Variants in DMC1 observed in about 807,000 individuals in gnomAD.
DMC1 encodes the protein DNA meiotic recombinase 1.
A neutral mutation model predicts 50.1 loss-of-function variants in DMC1; 27 were observed. The observed-to-expected ratio is 0.54, with a 90% CI of 0.40 to 0.74. The LOEUF is 0.74. Ranked by LOEUF, DMC1 falls within the 30% of genes least tolerant of loss-of-function variation. The pLI, the probability that DMC1 is intolerant of heterozygous loss-of-function variation, is 0.00. For missense variants in DMC1, 295 were observed against 420.2 expected, an observed-to-expected ratio of 0.70 and a Z score of 2.60; for synonymous variants, 148 against 136.1, an observed-to-expected ratio of 1.09 and a Z score of -0.61.
intron 12 of DMC1, among the ~76,000 whole-genome samples, chr22:38,523,456 C>T (rs1161905834): frequency 6.6e-6 from 1 of 152,192 alleles, no homozygotes; most frequent in East Asian, 1.9e-4. Flanking sequence ...GCTATGAACT[C>T]CGAGCCTGCA....
intron 12 of DMC1, among the ~76,000 whole-genome samples, chr22:38,526,878 C>T (rs556214207): frequency 5.3e-4 from 80 of 152,256 alleles, no homozygotes; most frequent in African/African-American, 1.8e-3. Context: ...TATCAATAAA[C>T]TGGCCGTCTG....
At chr22:38,534,224 G>A (rs1173896841) in intron 12 of DMC1, among the ~76,000 whole-genome samples, 2 of 152,156 alleles carry the variant, frequency 1.3e-5, no homozygotes, top group East Asian at 1.9e-4. Flanking sequence ...GAATACAACT[G>A]TATATTAGAT....
chr22:38,521,538 TACAC>T (rs111317680), intron 13 of DMC1, 66 bp downstream of exon 13: 69,037 of 635,770 alleles, frequency 0.11, 706 homozygotes, highest in East Asian at 0.15. Context: ...ACCCCGTCTC[TACAC>T]ACACACACAC....
intron 12 of DMC1, among the ~76,000 whole-genome samples, chr22:38,536,031 G>A (rs1215864806): frequency 6.9e-6 from 1 of 144,774 alleles, no homozygotes; most frequent in Non-Finnish European, 1.5e-5. Context: ...GACCAGCCTG[G>A]CCAACATGGC....
intron 8 of DMC1, among the ~76,000 whole-genome samples, chr22:38,543,481 G>A (rs1225019252): frequency 6.6e-6 from 1 of 151,948 alleles, no homozygotes; most frequent in Non-Finnish European, 1.5e-5. Context: ...CACCCACCTC[G>A]GCCTCCCAAA....
intron 4 of DMC1, among the ~76,000 whole-genome samples, chr22:38,563,047 G>A (rs1314619604): frequency 2.0e-5 from 3 of 152,166 alleles, no homozygotes; most frequent in African/African-American, 7.2e-5. Flanking sequence ...GGGATTACAG[G>A]CGTGAGCCAC....
intron 8 of DMC1, chr22:38,549,635 TC>T (rs2090382038): frequency 3.9e-6 from 1 of 257,206 alleles, no homozygotes; most frequent in African/African-American, 2.3e-5. Context: ...AAAAAAAAAA[TC>T]TTTTTTCTAA....
chr22:38,518,029 G>A (rs753247806), downstream of DMC1, among the ~76,000 whole-genome samples: 1 of 151,212 alleles, frequency 6.6e-6, no homozygotes, highest in East Asian at 1.9e-4. Flanking sequence ...CTGGAGTGCA[G>A]TGGCATGATC....
At chr22:38,517,052 C>G (rs187948517), downstream of DMC1, among the ~76,000 whole-genome samples, 1 of 152,030 alleles carries the variant, frequency 6.6e-6, no homozygotes, top group South Asian at 2.1e-4. Flanking sequence ...TCAATAGGCT[C>G]TAAATTAGAT....
chr22:38,540,141 T>C lies in DMC1; in HGVS notation c.495-729A>G, dbSNP rs1160891276. 4.6e-5 allele frequency among the ~76,000 whole-genome samples: 7 copies of C among 152,120 alleles called. No homozygotes were observed. The East Asian group carries it at 1.2e-3, about 25-fold the overall frequency. ...TTTCTTCTAAAGGAGTTGTTAGCTT[T>C]TTTTTTGTTTTCTCCTCCTTCAGTC... On this transcript the variant is annotated intron_variant, in intron 8 of 13. Transcript: ENST00000216024.
intron 12 of DMC1, among the ~76,000 whole-genome samples, chr22:38,531,488 G>A (rs2090151150): frequency 6.6e-6 from 1 of 152,058 alleles, no homozygotes. Flanking sequence ...AGGCCCCAGG[G>A]GAACTGCAGC....
intron 5 of DMC1, among the ~76,000 whole-genome samples, chr22:38,556,602 G>A (rs1036891083): frequency 5.3e-5 from 8 of 152,144 alleles, no homozygotes; most frequent in African/African-American, 1.9e-4. Context: ...GCCCAATGTT[G>A]TAGTGCATTT....
chr22:38,568,521 T>C (rs1312592238), intron 1 of DMC1: 2 of 521,852 alleles, frequency 3.8e-6, no homozygotes, highest in Non-Finnish European at 3.4e-6. Flanking sequence ...GAGGGGCAAA[T>C]TGGGGGGTGC....
At chr22:38,557,526 C>A (rs534243556) in intron 5 of DMC1, among the ~76,000 whole-genome samples, 1 of 151,978 alleles carries the variant, frequency 6.6e-6, no homozygotes, top group Non-Finnish European at 1.5e-5. Flanking sequence ...GATAACATGG[C>A]GAAACCCAGT....
rs1301745938 is a variant in DMC1 at position 38,555,401 on chromosome 22, A to G, written c.335T>C (p.Leu112Pro). The change falls in exon 6 of 14, where the codon CTA (leucine) becomes CCA (proline). Residue 112 changes from leucine to proline, a missense_variant. Coordinates refer to ENST00000216024, the MANE Select transcript of DMC1 (RefSeq NM_007068.4). ...TGCCATACTTTCAATTCCACCTCCT[A>G]GTAACTTACTGGAAATAGAAAGAAA... Reference protein sequence around the residue: ...TTGSQEFDKLLGGGIESMAIT... With the variant: ...TTGSQEFDKLPGGGIESMAIT... 1 of 1,602,602 alleles carries G rather than the reference A, an allele frequency of 6.2e-7. No homozygotes were observed. The highest frequency in any genetic ancestry group is 8.5e-7 in the Non-Finnish European group (1 of 1,169,974).
intron 11 of DMC1, among the ~76,000 whole-genome samples, chr22:38,538,075 C>T (rs904169495): frequency 2.0e-5 from 3 of 151,700 alleles, no homozygotes; most frequent in African/African-American, 7.3e-5. Flanking sequence ...ACCTGGGAGG[C>T]GGAGGTTGCA....
intron 12 of DMC1, among the ~76,000 whole-genome samples, chr22:38,526,052 T>C (rs1328679035): frequency 1.3e-5 from 2 of 152,256 alleles, no homozygotes; most frequent in African/African-American, 2.4e-5. Context: ...AGAAGTTATA[T>C]CAAAATAGGC....
intron 8 of DMC1, chr22:38,549,332 A>C (rs1323930940): frequency 6.6e-6 from 1 of 152,406 alleles, no homozygotes; most frequent in Non-Finnish European, 1.5e-5. Context: ...GTGAGTCAAT[A>C]ATCTTTCAGC....
chr22:38,558,119 G>T (rs113704578), intron 5 of DMC1, among the ~76,000 whole-genome samples: 10 of 151,296 alleles, frequency 6.6e-5, no homozygotes, highest in Middle Eastern at 3.2e-3. Context: ...CCGCCACCAT[G>T]CCCGGCTAAT....
Sources: gnomAD v4.1 joint callset for allele counts (sites outside exome capture counted in the v4.1 genomes callset) on GRCh38, gnomAD v4.1.1 for gene constraint, MANE v1.5 for transcripts, NCBI Gene and HGNC (gene_info 2026-07-23, HGNC 2026-07-21) for gene names.